Variants in ZNF557 observed in about 807,000 individuals in gnomAD.
The protein encoded by ZNF557 is CTB-25J19.9.
ZNF557 carries 19 observed loss-of-function variants against 21.2 expected under a neutral mutation model. The observed-to-expected ratio is 0.90, with a 90% CI of 0.63 to 1.32. The LOEUF (loss-of-function observed/expected upper bound fraction) is 1.32, where lower values mean the gene tolerates loss of function less well. Among genes scored for constraint, ZNF557 ranks in the 40% most tolerant of loss-of-function variants. ZNF557 has a pLI of 0.00. For synonymous variants in ZNF557, 207 were observed against 194.8 expected (o/e 1.06, Z -0.52); for missense variants, 487 against 519.8 (o/e 0.94, Z 0.61).
intron 4 of ZNF557, among the ~76,000 whole-genome samples, 186 bp from the exon 5 acceptor site, chr19:7,076,195 A>T (rs1430662725): frequency 6.6e-6 from 1 of 152,098 alleles, no homozygotes; most frequent in African/African-American, 2.4e-5. Context: ...GCCTAAGGAG[A>T]CAAGCATTGA....
At position 7,083,511 on chromosome 19, in the gene ZNF557, G is replaced by C. The variant is rs778769692; in HGVS notation, c.1060G>C (p.Gly354Arg). The stretch of plus-strand genomic sequence containing the variant: ...AAAACCCTACACATGTAATGAGTGT[G>C]GGAAATCCTTTACCAATAGCTTTTC... ...GEKPYTCNEC[G>R]KSFTNSFSLT... The change falls in exon 8 of 8, where the codon GGG becomes CGG. Residue 354 changes from glycine (G) to arginine (R), a missense_variant. Physicochemically the swap from Gly to Arg is moderately radical, Grantham distance 125. Coordinates refer to ENST00000252840, the MANE Select transcript of ZNF557 (RefSeq NM_024341.3). The C allele has an allele frequency of 1.2e-6, 2 of 1,614,060 alleles. No individual in the cohort carries two copies. The highest frequency in any genetic ancestry group is 1.7e-6 in the Non-Finnish European group (2 of 1,180,040).
rs1382935885 is a variant in ZNF557 at position 7,084,270 on chromosome 19, C to T, written c.*526C>T. ...ATCCTGATACAATGTGGAAGAACACCACAGGAGGTATGAACAGTAGACATT... is the reference window on the plus strand; with the variant it reads ...ATCCTGATACAATGTGGAAGAACACTACAGGAGGTATGAACAGTAGACATT... On this transcript the variant is annotated 3_prime_UTR_variant, in exon 8 of 8. Transcript: ENST00000252840. 6.4e-6 allele frequency: 1 copy of T among 156,012 alleles called. No individual in the cohort carries two copies. Among genetic ancestry groups the T allele is most frequent in the East Asian group, 1.9e-4 (1 of 5,250 alleles). The allele number at this position is 156,012 out of a possible 1,614,324, so 9.7% of individuals were successfully genotyped here. A position where few individuals can be genotyped will look rare whatever the true frequency, so the allele number is the denominator to read the frequency against.
In ZNF557 at chr19:7,087,146, ATC is replaced by A. The variant is rs1310722123; in HGVS notation, c.*3404_*3405del. On this transcript the variant is annotated 3_prime_UTR_variant, in exon 8 of 8. Coordinates refer to ENST00000252840, the MANE Select transcript of ZNF557 (RefSeq NM_024341.3). Reference sequence around the variant, plus strand: ...GTGAGACACCGTCTGGCTTATTCTCATCTATTTTCTTTTCATTCTTTTGGAAA... The same window carrying A: ...GTGAGACACCGTCTGGCTTATTCTCATATTTTCTTTTCATTCTTTTGGAAA... 3 of 109,404 alleles carry A rather than the reference ATC, an allele frequency of 2.7e-5. No homozygotes were observed. The highest frequency in any genetic ancestry group is 1.1e-4 in the African/African-American group (3 of 27,682). 6.8% of individuals were successfully genotyped at this position (109,404 alleles called of 1,614,324 possible). A position where few individuals can be genotyped will look rare whatever the true frequency, so the allele number is the denominator to read the frequency against.
intron 2 of ZNF557, among the ~76,000 whole-genome samples, chr19:7,072,146 A>T (rs1443141432): frequency 7.1e-6 from 1 of 140,770 alleles, no homozygotes; most frequent in Non-Finnish European, 1.5e-5. Flanking sequence ...AAATACAGCC[A>T]GGCACAGTGG....
At chr19:7,080,049 C>G (rs1213475922) in intron 5 of ZNF557, among the ~76,000 whole-genome samples, 1 of 152,118 alleles carries the variant, frequency 6.6e-6, no homozygotes, top group South Asian at 2.1e-4. Flanking sequence ...TGCCTGTAAT[C>G]CCAGCACTTT....
At chr19:7,073,846 A>G (rs1231470002) in intron 2 of ZNF557, among the ~76,000 whole-genome samples, 2 of 152,150 alleles carry the variant, frequency 1.3e-5, no homozygotes, top group East Asian at 1.9e-4. Context: ...ACAAATTCCT[A>G]GAGAGACTGA....
chr19:7,079,892 T>C (rs1467880322), intron 5 of ZNF557, among the ~76,000 whole-genome samples: 2 of 152,228 alleles, frequency 1.3e-5, no homozygotes, highest in Non-Finnish European at 2.9e-5. Context: ...AACTCTGACT[T>C]AGCCTTCAGT....
At chr19:7,078,136 G>T in intron 5 of ZNF557, among the ~76,000 whole-genome samples, 1 of 152,166 alleles carries the variant, frequency 6.6e-6, no homozygotes, top group African/African-American at 2.4e-5. Flanking sequence ...TTTTGCAGGA[G>T]ATAGAATTCT....
chr19:7,075,786 C>T lies in ZNF557; in HGVS notation c.120+43C>T, dbSNP rs1014983688. 4.4e-6 allele frequency: 7 copies of T among 1,603,080 alleles called. No homozygotes were observed. The African/African-American group carries it at 8.0e-5, about 18-fold the overall frequency. ...TTTTCCAAATCATGATTCCTTCAGC[C>T]AGAAGGTTGGACTTGATGCCTTTCA... On this transcript the variant is annotated intron_variant, in intron 4 of 7. Transcript: ENST00000252840.
intron 3 of ZNF557, 35 bp downstream of exon 3, chr19:7,075,140 A>G (rs1401754908): frequency 6.2e-7 from 1 of 1,613,776 alleles, no homozygotes; most frequent in South Asian, 1.1e-5. Context: ...CTCAGAGTCC[A>G]GGCTTGAAAG....
At chr19:7,082,607 G>C (rs1477499255) in intron 7 of ZNF557, among the ~76,000 whole-genome samples, 1 of 152,082 alleles carries the variant, frequency 6.6e-6, no homozygotes, top group Non-Finnish European at 1.5e-5. Context: ...CCAGTAGTCT[G>C]AGTCAGATAT....
chr19:7,077,866 C>T (rs1977619136), intron 5 of ZNF557, among the ~76,000 whole-genome samples: 3 of 152,000 alleles, frequency 2.0e-5, no homozygotes, highest in Admixed American at 1.3e-4. Context: ...TTGTCTGTCT[C>T]ATTGTGGTTT....
At chr19:7,072,165 T>C (rs1051300809) in intron 2 of ZNF557, among the ~76,000 whole-genome samples, 1 of 145,808 alleles carries the variant, frequency 6.9e-6, no homozygotes, top group African/African-American at 2.5e-5. Flanking sequence ...GGCTCACACC[T>C]GTAATCCCAC....
At chr19:7,077,673 T>G (rs1454881732) in intron 5 of ZNF557, among the ~76,000 whole-genome samples, 1 of 152,220 alleles carries the variant, frequency 6.6e-6, no homozygotes, top group Non-Finnish European at 1.5e-5. Flanking sequence ...GTGGAACTTC[T>G]GTGTCCTGTG....
At chr19:7,082,854 T>C (rs765340619) in intron 7 of ZNF557, 24 bp from the exon 8 acceptor site, 12 of 1,531,604 alleles carry the variant, frequency 7.8e-6, no homozygotes, top group Non-Finnish European at 1.1e-5. Context: ...TAAATGGTAC[T>C]TATTGTCATC....
rs1977900646 is a variant in ZNF557 at position 7,087,785 on chromosome 19, G to C, written c.*4041G>C. ...GCATTATCTGTTAATCCTGTTTATT[G>C]ATCTGTTTTTATAAGTGCTCCATGA... On this transcript the variant is annotated 3_prime_UTR_variant, in exon 8 of 8. Transcript: ENST00000252840. 1 of 151,568 alleles carries C rather than the reference G, an allele frequency of 6.6e-6. No homozygotes were observed. The highest frequency in any genetic ancestry group is 1.5e-5 in the Non-Finnish European group (1 of 67,926). 9.4% of individuals were successfully genotyped at this position (151,568 alleles called of 1,614,324 possible).
At chr19:7,071,036 G>A (rs910394688) in intron 2 of ZNF557, among the ~76,000 whole-genome samples, 3 of 152,238 alleles carry the variant, frequency 2.0e-5, no homozygotes, top group Admixed American at 2.0e-4. Flanking sequence ...AAAGTGCTGG[G>A]ATTACAGGTG....
intron 4 of ZNF557, 90 bp downstream of exon 4, chr19:7,075,833 A>G: frequency 6.5e-7 from 1 of 1,550,356 alleles, no homozygotes; most frequent in Non-Finnish European, 8.8e-7. Context: ...CCCCACGGCC[A>G]AACTTGTTCC....
intron 3 of ZNF557, 107 bp downstream of exon 3, chr19:7,075,212 C>CCCCAGGGG (rs1568406734): frequency 6.0e-6 from 9 of 1,495,046 alleles, no homozygotes; most frequent in Admixed American, 1.7e-5. Flanking sequence ...AGGAGTGGAG[C>CCCCAGGGG]CCCAGGGGCC....
Sources: gnomAD v4.1 joint callset for allele counts (sites outside exome capture counted in the v4.1 genomes callset) on GRCh38, gnomAD v4.1.1 for gene constraint, MANE v1.5 for transcripts, NCBI Gene and HGNC (gene_info 2026-07-23, HGNC 2026-07-21) for gene names.